PRDM16: variants seen among roughly 807,000 people sequenced by gnomAD.
PRDM16 encodes the protein PR/SET domain 16, also known as histone-lysine N-methyltransferase PRDM16.
In PRDM16, 23 loss-of-function variants were observed where a neutral mutation model predicts 110.6. The observed-to-expected ratio is 0.21, with a 90% CI of 0.15 to 0.29. PRDM16 has a LOEUF of 0.29. PRDM16 is among the 10% of genes least tolerant of loss of function. The pLI is 1.00. For missense variants in PRDM16, 1,615 were observed against 1,794.3 expected, an observed-to-expected ratio of 0.90 and a Z score of 1.81; for synonymous variants, 799 against 781.8, an observed-to-expected ratio of 1.02 and a Z score of -0.37.
intron 1 of PRDM16, among the ~76,000 whole-genome samples, chr1:3,115,962 C>G (rs971737666): frequency 6.6e-6 from 1 of 152,114 alleles, no homozygotes; most frequent in African/African-American, 2.4e-5. Context: ...GCTGTCCATG[C>G]CCCAGCCTCC....
intron 2 of PRDM16, among the ~76,000 whole-genome samples, chr1:3,200,095 G>A (rs1053057064): frequency 9.9e-5 from 15 of 152,240 alleles, no homozygotes; most frequent in African/African-American, 2.2e-4. Context: ...GTATCCCAGT[G>A]CAGAGGCTGA....
chr1:3,129,475 G>A (rs1643289750), intron 1 of PRDM16, among the ~76,000 whole-genome samples: 1 of 152,196 alleles, frequency 6.6e-6, no homozygotes, highest in South Asian at 2.1e-4. Context: ...GTGTGTGTGT[G>A]TGTGGCCTGT....
chr1:3,100,962 C>T (rs1387862316), intron 1 of PRDM16, among the ~76,000 whole-genome samples: 6 of 131,650 alleles, frequency 4.6e-5, no homozygotes, highest in South Asian at 2.5e-4. Flanking sequence ...ACATTCTGCC[C>T]GGGAGGCCTG....
rs200299883 is a variant in PRDM16, at chr1:3,109,259, T to A, written c.37+39963T>A. Reference sequence around the variant, plus strand: ...GCTGATCCGGTCCACGTTTTGCAGGTGGGTGGGCTGCCACCAGCTCCTTCG... The same window carrying A: ...GCTGATCCGGTCCACGTTTTGCAGGAGGGTGGGCTGCCACCAGCTCCTTCG... On this transcript the variant is annotated intron_variant, in intron 1 of 16. Transcript: ENST00000270722. 1.4e-4 allele frequency among the ~76,000 whole-genome samples: 21 copies of A among 152,270 alleles called. 1 individual carries two copies. In the East Asian group the frequency reaches 3.9e-3, roughly 28 times the overall value.
intron 1 of PRDM16, among the ~76,000 whole-genome samples, chr1:3,130,113 C>T (rs1643303190): frequency 6.6e-6 from 1 of 152,160 alleles, no homozygotes; most frequent in South Asian, 2.1e-4. Context: ...GCTGCGTGCT[C>T]AGTGTCCAGG....
intron 9 of PRDM16, among the ~76,000 whole-genome samples, chr1:3,413,171 C>T (rs952256321): frequency 6.7e-6 from 1 of 150,022 alleles, no homozygotes; most frequent in Non-Finnish European, 1.5e-5. Context: ...CTCTCTCCAG[C>T]TGTCGTCTCT....
At chr1:3,365,088 G>T (rs947883799) in intron 3 of PRDM16, among the ~76,000 whole-genome samples, 1 of 152,244 alleles carries the variant, frequency 6.6e-6, no homozygotes, top group African/African-American at 2.4e-5. Context: ...GCCAGTGGGC[G>T]AGGGCAGCAA....
chr1:3,144,562 A>G (rs1162954568), intron 1 of PRDM16, among the ~76,000 whole-genome samples: 1 of 152,124 alleles, frequency 6.6e-6, no homozygotes, highest in Non-Finnish European at 1.5e-5. Context: ...GGTGGCCATG[A>G]GCTGTGTGAA....
Position 3,420,237 on chromosome 1 carries a change from G to C in PRDM16, c.2939+1493G>C, listed in dbSNP as rs141256317. ...GGCTCAAGGCAGGTCTGTGCCGAGGGGTTTGGAGCGTGTAGCTTTCCTTTT... is the reference window on the plus strand; with the variant it reads ...GGCTCAAGGCAGGTCTGTGCCGAGGCGTTTGGAGCGTGTAGCTTTCCTTTT... On this transcript the variant is annotated intron_variant, in intron 12 of 16. Coordinates refer to ENST00000270722, the MANE Select transcript of PRDM16 (RefSeq NM_022114.4). Among the ~76,000 whole-genome samples the C allele has an allele frequency of 9.8e-5, 15 of 152,358 alleles. No individual in the cohort carries two copies. In the East Asian group the frequency reaches 2.9e-3, roughly 29 times the overall value.
At chr1:3,415,695 C>T (rs141839297) in intron 10 of PRDM16, among the ~76,000 whole-genome samples, 2 of 152,340 alleles carry the variant, frequency 1.3e-5, no homozygotes, top group Non-Finnish European at 2.9e-5. Context: ...AGGAAGGGAG[C>T]CCAGCGGGGG....
chr1:3,295,457 C>A (rs1220041049), intron 3 of PRDM16, among the ~76,000 whole-genome samples: 1 of 152,204 alleles, frequency 6.6e-6, no homozygotes, highest in Non-Finnish European at 1.5e-5. Flanking sequence ...GGACCCCCTA[C>A]AGCCCAAACC....
chr1:3,158,561 C>T (rs1401204052), intron 1 of PRDM16, among the ~76,000 whole-genome samples: 1 of 152,082 alleles, frequency 6.6e-6, no homozygotes, highest in Non-Finnish European at 1.5e-5. Context: ...CGAGAAGGCA[C>T]GATGACTTTA....
chr1:3,410,195 C>T (rs1643661125), intron 8 of PRDM16, among the ~76,000 whole-genome samples: 1 of 151,618 alleles, frequency 6.6e-6, no homozygotes, highest in Non-Finnish European at 1.5e-5. Context: ...GTGTGTTCCT[C>T]CCTTTTTTCT....
intron 2 of PRDM16, among the ~76,000 whole-genome samples, chr1:3,241,049 C>CG (rs1260546511): frequency 6.6e-6 from 1 of 152,354 alleles, no homozygotes; most frequent in Admixed American, 6.5e-5. Flanking sequence ...GGGTTTTCAG[C>CG]GGAGCGGCGG....
intron 1 of PRDM16, among the ~76,000 whole-genome samples, chr1:3,133,933 A>G (rs10909883): frequency 0.13 from 19,937 of 152,272 alleles, 1,758 homozygotes; most frequent in East Asian, 0.24. Context: ...ACATAGGGCC[A>G]TCTGAGAGCA....
Position 3,289,493 on chromosome 1 carries a change from C to A in PRDM16, c.438+45356C>A, listed in dbSNP as rs749814230. Among the ~76,000 whole-genome samples the A allele has an allele frequency of 3.0e-4, 46 of 152,260 alleles. 1 individual carries two copies. Among genetic ancestry groups the A allele is most frequent in the Non-Finnish European group, 5.9e-4 (40 of 68,034 alleles). ...TGGTGCTTCCAGAAATCATTTCATCCTCCTCACCCACACTGGTGCCCACCC... is the reference window on the plus strand; with the variant it reads ...TGGTGCTTCCAGAAATCATTTCATCATCCTCACCCACACTGGTGCCCACCC... On this transcript the variant is annotated intron_variant, in intron 3 of 16. Coordinates refer to ENST00000270722, the MANE Select transcript of PRDM16 (RefSeq NM_022114.4).
chr1:3,349,759 G>T (rs577085021), intron 3 of PRDM16, among the ~76,000 whole-genome samples: 5 of 152,174 alleles, frequency 3.3e-5, no homozygotes, highest in African/African-American at 7.2e-5. Flanking sequence ...CTGTCTACTG[G>T]GAGCTTTCTG....
chr1:3,145,162 C>G (rs1437460663), intron 1 of PRDM16, among the ~76,000 whole-genome samples: 1 of 152,212 alleles, frequency 6.6e-6, no homozygotes, highest in African/African-American at 2.4e-5. Context: ...AGCCGTGTGC[C>G]TGGTGTCAGC....
At chr1:3,320,851 T>A (rs2500273) in intron 3 of PRDM16, among the ~76,000 whole-genome samples, 50,982 of 152,060 alleles carry the variant, frequency 0.34, 9,589 homozygotes, top group South Asian at 0.54. Context: ...CCAAGTCCTC[T>A]GAGAGGAGCC....
Sources: gnomAD v4.1 joint callset for allele counts (sites outside exome capture counted in the v4.1 genomes callset) on GRCh38, gnomAD v4.1.1 for gene constraint, MANE v1.5 for transcripts, NCBI Gene and HGNC (gene_info 2026-07-23, HGNC 2026-07-21) for gene names.